The following FHIT variants were observed in gnomAD, a reference collection of about 807,000 sequenced individuals.
FHIT encodes the protein fragile histidine triad diadenosine triphosphatase.
FHIT carries 19 observed loss-of-function variants against 17.9 expected under a neutral mutation model. The observed-to-expected ratio is 1.06, with a 90% confidence interval of 0.74 to 1.56. The LOEUF (loss-of-function observed/expected upper bound fraction) is 1.56. Ranked by LOEUF, FHIT falls within the 40% of genes most tolerant of loss-of-function variation. FHIT has a pLI of 0.00. For missense variants in FHIT, 248 were observed against 189.2 expected (o/e 1.31, Z -1.82); for synonymous variants, 81 against 69.7 (o/e 1.16, Z -0.81).
chr3:60,217,445 T>C lies in FHIT; in HGVS notation c.104-203293A>G, dbSNP rs1703746013. On this transcript the variant is annotated intron_variant, in intron 5 of 9. Transcript: ENST00000492590. Reference sequence around the variant, plus strand: ...TGCATATTCTGCTACACTGGTTTCTTAAACTGTTTTCCTATATCCATTCTC... The same window carrying C: ...TGCATATTCTGCTACACTGGTTTCTCAAACTGTTTTCCTATATCCATTCTC... Among the ~76,000 whole-genome samples, 4 of 152,200 alleles carry C rather than the reference T, an allele frequency of 2.6e-5. 1 individual carries two copies. The highest frequency in any genetic ancestry group is 2.6e-4 in the Admixed American group (4 of 15,276).
intron 2 of FHIT, among the ~76,000 whole-genome samples, chr3:61,114,566 A>G (rs1451880690): frequency 6.6e-6 from 1 of 152,086 alleles, no homozygotes; most frequent in Non-Finnish European, 1.5e-5. Flanking sequence ...ACAGAGGGGA[A>G]AAAAAAACAA....
At chr3:60,711,865 G>C (rs2041543065) in intron 4 of FHIT, among the ~76,000 whole-genome samples, 2 of 152,160 alleles carry the variant, frequency 1.3e-5, no homozygotes, top group Non-Finnish European at 2.9e-5. Flanking sequence ...TATTATCCAG[G>C]AGAACTTCCA....
chr3:59,950,117 G>T (rs1707040126), intron 7 of FHIT, among the ~76,000 whole-genome samples: 1 of 152,082 alleles, frequency 6.6e-6, no homozygotes, highest in African/African-American at 2.4e-5. Flanking sequence ...ACTCCTCCCT[G>T]GCTCCCCATC....
chr3:60,369,548 T>C (rs1207353491), intron 5 of FHIT, among the ~76,000 whole-genome samples: 1 of 152,206 alleles, frequency 6.6e-6, no homozygotes, highest in Non-Finnish European at 1.5e-5. Flanking sequence ...TTGAGTATTT[T>C]TGTGGCAGTT....
intron 2 of FHIT, among the ~76,000 whole-genome samples, chr3:61,149,865 C>T (rs2037334434): frequency 6.6e-6 from 1 of 151,998 alleles, no homozygotes; most frequent in Non-Finnish European, 1.5e-5. Context: ...GAGACCCTAT[C>T]TCAAAAAAAT....
At chr3:60,434,665 G>C (rs183562495) in intron 5 of FHIT, among the ~76,000 whole-genome samples, 15 of 152,116 alleles carry the variant, frequency 9.9e-5, no homozygotes, top group African/African-American at 2.7e-4. Context: ...TGTCTTGACA[G>C]ACTGGTACTA....
At chr3:60,309,019 C>A (rs1410901347) in intron 5 of FHIT, among the ~76,000 whole-genome samples, 2 of 152,120 alleles carry the variant, frequency 1.3e-5, no homozygotes, top group African/African-American at 4.8e-5. Flanking sequence ...ACTTTCTAGG[C>A]TGCTTGGAGC....
intron 5 of FHIT, among the ~76,000 whole-genome samples, chr3:60,355,266 C>A (rs2106962109): frequency 6.6e-6 from 1 of 152,286 alleles, no homozygotes; most frequent in East Asian, 1.9e-4. Flanking sequence ...CCATTTTATT[C>A]TAGCAATTCT....
chr3:60,764,437 A>C (rs1699778143), intron 4 of FHIT, among the ~76,000 whole-genome samples: 1 of 152,150 alleles, frequency 6.6e-6, no homozygotes, highest in East Asian at 1.9e-4. Context: ...GAGGTGGATG[A>C]ACTGCATTAA....
intron 7 of FHIT, among the ~76,000 whole-genome samples, chr3:59,983,778 C>A (rs1414048260): frequency 6.6e-6 from 1 of 152,040 alleles, no homozygotes; most frequent in African/African-American, 2.4e-5. Context: ...AGGATTGCCC[C>A]ATTAGTACCA....
chr3:59,754,287 C>T (rs900234897), intron 8 of FHIT, among the ~76,000 whole-genome samples: 1 of 152,140 alleles, frequency 6.6e-6, no homozygotes, highest in Non-Finnish European at 1.5e-5. Context: ...ATGGATCTTC[C>T]CTTCAGAATT....
Position 61,183,434 on chromosome 3 carries a change from C to T in FHIT, c.-164+17183G>A, listed in dbSNP as rs528592632. 1.3e-3 allele frequency among the ~76,000 whole-genome samples: 199 copies of T among 152,198 alleles called. 5 individuals are homozygous for T. In the South Asian group the frequency reaches 0.04, roughly 31 times the overall value. ...GTTATCAGGGAACACAGCACAAATT[C>T]ATTAGCATCCTGCTGCCTTTTCAGA... On this transcript the variant is annotated intron_variant, in intron 2 of 9. Coordinates refer to ENST00000492590, the MANE Select transcript of FHIT (RefSeq NM_002012.4).
intron 4 of FHIT, chr3:60,553,532 GAGGGA>G (rs2107630172): frequency 1.2e-5 from 2 of 168,682 alleles, no homozygotes; most frequent in East Asian, 1.9e-4. Flanking sequence ...GAGAGAGAGA[GAGGGA>G]GAGAGAGAGA....
At chr3:60,497,230 A>C (rs2034337407) in intron 5 of FHIT, among the ~76,000 whole-genome samples, 4 of 152,300 alleles carry the variant, frequency 2.6e-5, no homozygotes, top group Middle Eastern at 6.8e-3. Flanking sequence ...GGCAATGGTT[A>C]CAAGGTTGAG....
intron 4 of FHIT, among the ~76,000 whole-genome samples, chr3:60,615,506 A>G (rs782163033): frequency 3.9e-5 from 6 of 152,236 alleles, no homozygotes; most frequent in Non-Finnish European, 2.9e-5. Context: ...AGAAATTTAA[A>G]TTGGCTATTC....
At chr3:60,921,543 T>C (rs1436784678) in intron 3 of FHIT, among the ~76,000 whole-genome samples, 1 of 152,222 alleles carries the variant, frequency 6.6e-6, no homozygotes, top group African/African-American at 2.4e-5. Flanking sequence ...TGTAAATATA[T>C]TCATGATATT....
chr3:59,887,931 G>C (rs575208174), intron 8 of FHIT, among the ~76,000 whole-genome samples: 1 of 152,302 alleles, frequency 6.6e-6, no homozygotes, highest in Admixed American at 6.5e-5. Context: ...AAATGAGAGG[G>C]TTTTATTAGC....
intron 3 of FHIT, among the ~76,000 whole-genome samples, chr3:60,960,795 T>G (rs1436765181): frequency 2.3e-4 from 35 of 152,310 alleles, no homozygotes; most frequent in Middle Eastern, 6.8e-3. Context: ...GTATTCCATG[T>G]TGTATATGTG....
chr3:60,723,067 C>T (rs1346136770), intron 4 of FHIT, among the ~76,000 whole-genome samples: 1 of 152,130 alleles, frequency 6.6e-6, no homozygotes, highest in African/African-American at 2.4e-5. Context: ...GGAGGAAAAT[C>T]CAGAGGGCAG....
Sources: allele counts gnomAD v4.1 joint callset (sites outside exome capture counted in the v4.1 genomes callset), GRCh38; gene constraint gnomAD v4.1.1; transcripts MANE v1.5; gene names NCBI Gene and HGNC (gene_info 2026-07-23, HGNC 2026-07-21).